Variants in XKR9 observed in about 807,000 individuals in gnomAD.
The protein encoded by XKR9 is XK related 9, also known as XK-related protein 9.
XKR9 carries 32 observed loss-of-function variants against 32.0 expected under a neutral mutation model. The ratio of observed to expected loss-of-function variants is 1.00; its 90% CI spans 0.76 to 1.34. The LOEUF (loss-of-function observed/expected upper bound fraction) is 1.34, where lower values mean the gene tolerates loss of function less well. XKR9 is among the 40% of genes most tolerant of loss of function. XKR9 has a pLI of 0.00. For synonymous variants in XKR9, 168 were observed against 143.4 expected, an observed-to-expected ratio of 1.17 and a Z score of -1.22; for missense variants, 546 against 429.7, an observed-to-expected ratio of 1.27 and a Z score of -2.39.
At chr8:70,861,003 A>T in the XKR9 span, among the ~76,000 whole-genome samples, 1 of 152,130 alleles carries the variant, frequency 6.6e-6, no homozygotes, top group Non-Finnish European at 1.5e-5. Flanking sequence ...TTTGGCCTTT[A>T]TATTGTCTGT....
the XKR9 span, among the ~76,000 whole-genome samples, chr8:70,815,509 T>TTTA: frequency 7.1e-6 from 1 of 141,762 alleles, no homozygotes; most frequent in Non-Finnish European, 1.5e-5. Flanking sequence ...CATTCCTTTA[T>TTTA]TTTATTTATT....
intron 2 of XKR9, among the ~76,000 whole-genome samples, chr8:70,782,636 A>G (rs1807632355): frequency 6.6e-6 from 1 of 151,936 alleles, no homozygotes; most frequent in South Asian, 2.1e-4. Flanking sequence ...TATAAGTTTG[A>G]TTGTTTTAGA....
At chr8:70,811,529 T>G in the XKR9 span, among the ~76,000 whole-genome samples, 2 of 151,844 alleles carry the variant, frequency 1.3e-5, no homozygotes. Flanking sequence ...ATCAACAAAA[T>G]TGATAGACTG....
the XKR9 span, among the ~76,000 whole-genome samples, chr8:70,996,564 T>C: frequency 4.6e-5 from 7 of 152,356 alleles, no homozygotes; most frequent in Non-Finnish European, 1.0e-4. Flanking sequence ...TGCTTCTATA[T>C]ACAATGATTA....
the XKR9 span, among the ~76,000 whole-genome samples, chr8:71,060,060 T>C: frequency 2.0e-5 from 3 of 152,226 alleles, no homozygotes; most frequent in Non-Finnish European, 4.4e-5. Context: ...TGTATCATCA[T>C]TAAAATACTG....
chr8:70,853,161 C>T, the XKR9 span, among the ~76,000 whole-genome samples: 3 of 152,008 alleles, frequency 2.0e-5, no homozygotes, highest in South Asian at 4.1e-4. Context: ...ATACAAACCT[C>T]TCATGTTCTC....
chr8:70,951,867 T>TTG, the XKR9 span, among the ~76,000 whole-genome samples: 1 of 138,946 alleles, frequency 7.2e-6, no homozygotes, highest in Non-Finnish European at 1.5e-5. Context: ...ATAGCATCAT[T>TTG]GGGGGGGGGG....
chr8:71,035,035 GTTA>G, the XKR9 span, among the ~76,000 whole-genome samples: 11 of 152,136 alleles, frequency 7.2e-5, no homozygotes, highest in African/African-American at 2.7e-4. Context: ...TAAACAGTTT[GTTA>G]TTATTCTCAA....
At chr8:70,931,893 C>T in the XKR9 span, among the ~76,000 whole-genome samples, 3 of 152,136 alleles carry the variant, frequency 2.0e-5, no homozygotes, top group Admixed American at 6.6e-5. Flanking sequence ...TGATCCAATT[C>T]CTACCAAAGG....
At chr8:70,753,674 A>T (rs1278293154) in intron 2 of XKR9, among the ~76,000 whole-genome samples, 1 of 152,108 alleles carries the variant, frequency 6.6e-6, no homozygotes, top group East Asian at 1.9e-4. Flanking sequence ...CCACATGATT[A>T]TCTCAATAGA....
At chr8:70,792,008 C>A (rs1008411348), downstream of XKR9, among the ~76,000 whole-genome samples, 1 of 152,064 alleles carries the variant, frequency 6.6e-6, no homozygotes, top group Non-Finnish European at 1.5e-5. Flanking sequence ...CCTGTTTTCA[C>A]TGTTTCCTAC....
the XKR9 span, among the ~76,000 whole-genome samples, chr8:70,826,966 C>G: frequency 1.3e-5 from 2 of 152,080 alleles, no homozygotes; most frequent in Non-Finnish European, 2.9e-5. Context: ...AGGCTCATAA[C>G]ATGTAGCTTC....
the XKR9 span, among the ~76,000 whole-genome samples, chr8:71,053,108 C>T: frequency 3.9e-5 from 6 of 152,174 alleles, no homozygotes; most frequent in South Asian, 4.2e-4. Context: ...AATTGCCTTC[C>T]GTATATATTA....
intron 2 of XKR9, chr8:70,677,902 AGTAAAGCTTAAGAAAT>A (rs1818935672): frequency 6.6e-6 from 1 of 152,228 alleles, no homozygotes; most frequent in South Asian, 2.1e-4. Context: ...TTTTTTTCTT[AGTAAAGCTTAAGAAAT>A]TATATTTTTA....
the XKR9 span, among the ~76,000 whole-genome samples, chr8:70,975,960 C>G: frequency 6.6e-6 from 1 of 152,134 alleles, no homozygotes; most frequent in East Asian, 1.9e-4. Flanking sequence ...TCCTTCACAT[C>G]CCTTGGAAGT....
At chr8:71,027,714 C>A in the XKR9 span, among the ~76,000 whole-genome samples, 5 of 142,252 alleles carry the variant, frequency 3.5e-5, no homozygotes, top group African/African-American at 1.3e-4. Flanking sequence ...TATTCAGGGT[C>A]TTTTGTGGTT....
At chr8:70,819,893 A>G in the XKR9 span, among the ~76,000 whole-genome samples, 32 of 152,328 alleles carry the variant, frequency 2.1e-4, 1 homozygote, top group East Asian at 5.4e-3. Flanking sequence ...CTTTTAAGTG[A>G]ATTTTAAGCA....
intron 4 of XKR9, among the ~76,000 whole-genome samples, chr8:70,718,461 C>G (rs749378648): frequency 2.0e-5 from 3 of 152,014 alleles, no homozygotes; most frequent in Non-Finnish European, 2.9e-5. Context: ...TCCTAATGCT[C>G]TTGTCCCCTT....
chr8:70,831,664 T>C, the XKR9 span, among the ~76,000 whole-genome samples: 1 of 152,206 alleles, frequency 6.6e-6, no homozygotes, highest in Non-Finnish European at 1.5e-5. Context: ...GGGGTTTCTA[T>C]AATTTTTATG....
Sources: allele counts gnomAD v4.1 joint callset (sites outside exome capture counted in the v4.1 genomes callset), GRCh38; gene constraint gnomAD v4.1.1; transcripts MANE v1.5; gene names NCBI Gene and HGNC (gene_info 2026-07-23, HGNC 2026-07-21).